FAM135A: variants seen among roughly 807,000 people sequenced by gnomAD.
FAM135A encodes the protein family with sequence similarity 135 member A.
A neutral mutation model predicts 146.8 loss-of-function variants in FAM135A; 79 were observed. That is an observed-to-expected ratio of 0.54 (90% CI 0.45 to 0.65). The LOEUF is 0.65. FAM135A is among the 30% of genes least tolerant of loss of function. The pLI, the probability that FAM135A is intolerant of heterozygous loss-of-function variation, is 0.00. For synonymous variants in FAM135A, 562 were observed against 603.6 expected, an observed-to-expected ratio of 0.93 and a Z score of 1.01; for missense variants, 1,623 against 1,758.2, an observed-to-expected ratio of 0.92 and a Z score of 1.38.
intron 4 of FAM135A, among the ~76,000 whole-genome samples, chr6:70,446,616 T>C (rs753397166): frequency 8.5e-5 from 13 of 152,212 alleles, no homozygotes; most frequent in Non-Finnish European, 1.6e-4. Flanking sequence ...GCATTTTTAT[T>C]GTAAATACTG....
intron 2 of FAM135A, among the ~76,000 whole-genome samples, chr6:70,426,151 T>C (rs1770089203): frequency 6.6e-6 from 1 of 151,868 alleles, no homozygotes; most frequent in Admixed American, 6.6e-5. Flanking sequence ...AATGAGCTTA[T>C]AATGTTTTGT....
At chr6:70,443,432 T>C (rs1404303366) in intron 4 of FAM135A, among the ~76,000 whole-genome samples, 2 of 152,252 alleles carry the variant, frequency 1.3e-5, no homozygotes, top group African/African-American at 4.8e-5. Context: ...GGTGCAGATC[T>C]GTAACTTAGC....
At chr6:70,471,947 A>G (rs965732627) in intron 5 of FAM135A, among the ~76,000 whole-genome samples, 3 of 152,150 alleles carry the variant, frequency 2.0e-5, no homozygotes, top group Non-Finnish European at 2.9e-5. Flanking sequence ...TGAAAAAGTG[A>G]TCTTAAATTA....
chr6:70,437,506 A>G (rs547474848), intron 4 of FAM135A, among the ~76,000 whole-genome samples: 1 of 151,196 alleles, frequency 6.6e-6, no homozygotes, highest in African/African-American at 2.4e-5. Context: ...ACTTTTTCTT[A>G]GTATTACTTA....
At chr6:70,486,378 C>T (rs912093061) in intron 10 of FAM135A, 10 of 668,776 alleles carry the variant, frequency 1.5e-5, no homozygotes, top group African/African-American at 1.1e-4. Context: ...AAGAACTTAC[C>T]TTTAAAATCA....
chr6:70,471,450 T>C (rs1781589107), intron 5 of FAM135A, among the ~76,000 whole-genome samples: 1 of 152,072 alleles, frequency 6.6e-6, no homozygotes, highest in African/African-American at 2.4e-5. Context: ...GAGAGGTTGA[T>C]TGAAATTCAC....
intron 18 of FAM135A, among the ~76,000 whole-genome samples, chr6:70,535,226 A>T (rs1384809435): frequency 2.6e-5 from 4 of 152,166 alleles, no homozygotes; most frequent in African/African-American, 9.7e-5. Context: ...GTCTCGCAAG[A>T]TATACCTGTA....
chr6:70,482,119 C>G lies in FAM135A; in HGVS notation c.788C>G (p.Thr263Arg). Residue 263 changes from threonine (T) to arginine (R), a missense_variant, in exon 10 of 22, where the codon ACA becomes AGA. Thr to Arg is a moderately conservative substitution (Grantham distance 71, BLOSUM62 -1). This residue lies in a region of FAM135A where 206 missense variants were observed against 194.7 expected (regional missense o/e 1.06). Transcript: ENST00000418814. ...TTGCACAGCTACTTCATTACAGTAA[C>G]AGAAGAGATTCCTTCTTGTCAGAAA... ...KGLHSYFITV[T>R]EEIPSCQKLE... The G allele has an allele frequency of 6.2e-7, 1 of 1,613,656 alleles. No homozygotes were observed. Among genetic ancestry groups the G allele is most frequent in the Non-Finnish European group, 8.5e-7 (1 of 1,179,736 alleles).
At position 70,514,635 on chromosome 6, in the gene FAM135A, A is replaced by G. The variant is rs532629932; in HGVS notation, c.1030-7878A>G. Among the ~76,000 whole-genome samples, 164 of 152,314 alleles carry G rather than the reference A, an allele frequency of 1.1e-3. 1 individual carries two copies. Among genetic ancestry groups the G allele is most frequent in the Non-Finnish European group, 2.1e-3 (141 of 68,022 alleles). ...CAGATAGCCAGTTACAGAGAATCCC[A>G]TCTTAATGGAACAAAAACCCATGAA... is the stretch of plus-strand genomic sequence containing the variant. On this transcript the variant is annotated intron_variant, in intron 12 of 21. Coordinates refer to ENST00000418814, the MANE Select transcript of FAM135A (RefSeq NM_001162529.3).
intron 12 of FAM135A, chr6:70,504,961 A>C (rs1299871356): frequency 1.4e-5 from 2 of 142,688 alleles, no homozygotes; most frequent in Non-Finnish European, 3.1e-5. Flanking sequence ...ACTCCATCTC[A>C]AAAAAAAAAA....
chr6:70,435,246 A>T (rs1157011289), intron 4 of FAM135A, among the ~76,000 whole-genome samples: 1 of 151,686 alleles, frequency 6.6e-6, no homozygotes, highest in Non-Finnish European at 1.5e-5. Flanking sequence ...CTGGGATTAC[A>T]GGTGCCTGCC....
intron 12 of FAM135A, among the ~76,000 whole-genome samples, chr6:70,514,149 A>G (rs1791677482): frequency 1.3e-5 from 2 of 151,910 alleles, no homozygotes; most frequent in African/African-American, 4.8e-5. Context: ...TTATATGTAT[A>G]TTATATCATT....
At chr6:70,434,645 G>A (rs566568123) in intron 4 of FAM135A, among the ~76,000 whole-genome samples, 6 of 152,182 alleles carry the variant, frequency 3.9e-5, no homozygotes, top group South Asian at 4.1e-4. Context: ...ATTAGCAATG[G>A]CATCTTGAGT....
chr6:70,553,926 G>T lies in FAM135A; in HGVS notation c.4229-2824G>T, dbSNP rs566589304. On this transcript the variant is annotated intron_variant, in intron 20 of 21. Coordinates refer to ENST00000418814, the MANE Select transcript of FAM135A (RefSeq NM_001162529.3). ...TATATGAGGGAATTAATAATTAAAG[G>T]TGGCCAATATTTCTCATTGGACTAG... Among the ~76,000 whole-genome samples the T allele has an allele frequency of 9.3e-4, 141 of 152,192 alleles. 3 individuals are homozygous for T. The South Asian group carries it at 0.028, about 31-fold the overall frequency.
intron 4 of FAM135A, among the ~76,000 whole-genome samples, chr6:70,449,195 A>T (rs1490618587): frequency 3.3e-5 from 5 of 152,158 alleles, no homozygotes; most frequent in Non-Finnish European, 7.3e-5. Context: ...GTTTGGATGT[A>T]TGTATTAAAT....
At chr6:70,547,502 C>G (rs1256184350) in intron 20 of FAM135A, among the ~76,000 whole-genome samples, 1 of 152,110 alleles carries the variant, frequency 6.6e-6, no homozygotes, top group African/African-American at 2.4e-5. Flanking sequence ...TATCTCTGGC[C>G]TCTGCCCACT....
chr6:70,475,768 C>T (rs1324176767), intron 7 of FAM135A, 35 bp downstream of exon 7: 1 of 1,476,234 alleles, frequency 6.8e-7, no homozygotes, highest in South Asian at 1.2e-5. Context: ...CCTTTAGGCA[C>T]TTATGACTGT....
At chr6:70,496,610 T>A (rs890189926) in intron 11 of FAM135A, among the ~76,000 whole-genome samples, 3 of 152,176 alleles carry the variant, frequency 2.0e-5, no homozygotes, top group African/African-American at 7.2e-5. Flanking sequence ...ATTGCCTAGG[T>A]TTTCTTGTAG....
rs144653980 is a variant in FAM135A, at chr6:70,542,795, G to A, written c.4228+4394G>A. On this transcript the variant is annotated intron_variant, in intron 20 of 21. Coordinates refer to ENST00000418814, the MANE Select transcript of FAM135A (RefSeq NM_001162529.3). ...CTAAAACTGTATGTCTTCTTTGGCC[G>A]CCTCTCCTGTTGTCCTTTTTTTAAT... is the stretch of plus-strand genomic sequence containing the variant. 3.3e-3 allele frequency among the ~76,000 whole-genome samples: 496 copies of A among 151,958 alleles called. 3 individuals carry two copies. The highest frequency in any genetic ancestry group is 0.011 in the African/African-American group (460 of 41,428).
Sources: gnomAD v4.1 joint callset for allele counts (sites outside exome capture counted in the v4.1 genomes callset) on GRCh38, gnomAD v4.1.1 for gene constraint, gnomAD v4.1.1 regional missense constraint, MANE v1.5 for transcripts, NCBI Gene and HGNC (gene_info 2026-07-23, HGNC 2026-07-21) for gene names.